Variants in PNKD observed in about 807,000 individuals in gnomAD.
PNKD encodes probable thioesterase PNKD.
Under a neutral mutation model 45.3 loss-of-function variants are expected in PNKD, and 36 were observed. That is an observed-to-expected ratio of 0.80 (90% CI 0.61 to 1.05). The LOEUF (loss-of-function observed/expected upper bound fraction) is 1.05, where lower values mean the gene tolerates loss of function less well. PNKD is among the 50% of genes least tolerant of loss of function. The pLI is 0.00. For missense variants in PNKD, 511 were observed against 506.6 expected (o/e 1.01, Z -0.08); for synonymous variants, 197 against 210.1 (o/e 0.94, Z 0.54).
chr2:218,295,908 C>T (rs559416487), intron 2 of PNKD, among the ~76,000 whole-genome samples: 2 of 148,966 alleles, frequency 1.3e-5, no homozygotes, highest in Non-Finnish European at 3.0e-5. Flanking sequence ...TACAGTAGTG[C>T]GATCTTGGCT....
At chr2:218,275,571 G>C (rs766610505) in intron 2 of PNKD, 1 of 1,614,080 alleles carries the variant, frequency 6.2e-7, no homozygotes, top group South Asian at 1.1e-5. Context: ...CCTCGGGGCT[G>C]ATGGTGTGCT....
chr2:218,340,683 T>G lies in PNKD; in HGVS notation c.466-45T>G. 3 of 1,475,642 alleles carry G rather than the reference T, an allele frequency of 2.0e-6. No individual in the cohort carries two copies. Among genetic ancestry groups the G allele is most frequent in the African/African-American group, 1.4e-5 (1 of 72,060 alleles). 91.4% of individuals were successfully genotyped at this position (1,475,642 alleles called of 1,614,324 possible). The stretch of plus-strand genomic sequence containing the variant: ...CCTGGCTCTTGCTGCTTCAAGTGCC[T>G]CTTGCATCCTGCTCCCCAGTCTCCA... On this transcript the variant is annotated intron_variant, in intron 4 of 9. Transcript: ENST00000273077. This position sits in a 1 kb window ranked among gnomAD's most constrained non-coding sequence, Gnocchi z 4.2.
chr2:218,296,896 T>G (rs1693151970), intron 2 of PNKD, among the ~76,000 whole-genome samples: 1 of 152,204 alleles, frequency 6.6e-6, no homozygotes. Flanking sequence ...CAGGCTGGTC[T>G]TGAACTCCTG....
At chr2:218,343,455 G>A in intron 7 of PNKD, 45 bp from the exon 8 acceptor site, 1 of 1,446,882 alleles carries the variant, frequency 6.9e-7, no homozygotes, top group Admixed American at 1.7e-5. Flanking sequence ...ATGCCATATT[G>A]TGTTATCCTG....
intron 2 of PNKD, chr2:218,277,175 G>A (rs1691305114): frequency 7.5e-7 from 1 of 1,340,404 alleles, no homozygotes; most frequent in Non-Finnish European, 1.1e-6. Context: ...CTGCCAGGGA[G>A]TCCCAGTGCT....
chr2:218,270,634 T>A, intron 1 of PNKD, 32 bp downstream of exon 1: 1 of 649,922 alleles, frequency 1.5e-6, no homozygotes, highest in Non-Finnish European at 2.3e-6. Context: ...AGGGCAGGAC[T>A]GCAGAAGATC....
At chr2:218,276,043 C>T in intron 2 of PNKD, 1 of 1,612,790 alleles carries the variant, frequency 6.2e-7, no homozygotes. Context: ...AAACAAATGG[C>T]CCCCAGAGCA....
intron 2 of PNKD, chr2:218,277,728 T>C: frequency 1.2e-6 from 2 of 1,608,518 alleles, no homozygotes; most frequent in Non-Finnish European, 1.7e-6. Context: ...GGCAGGGTGC[T>C]GGGGGAGTGG....
At chr2:218,298,532 A>C (rs1693199677) in intron 2 of PNKD, among the ~76,000 whole-genome samples, 1 of 152,240 alleles carries the variant, frequency 6.6e-6, no homozygotes, top group Non-Finnish European at 1.5e-5. Flanking sequence ...AGAATGAAAA[A>C]TAGCAGTTGT....
At position 218,277,159 on chromosome 2, in the gene PNKD, C is replaced by T. The variant is rs141094258; in HGVS notation, c.236+5610C>T. 6.2e-5 allele frequency: 92 copies of T among 1,484,884 alleles called. No individual in the cohort carries two copies. In the East Asian group the frequency reaches 2.0e-3, roughly 32 times the overall value. The allele number at this position is 1,484,884 out of a possible 1,614,324, so 92.0% of individuals were successfully genotyped here. The stretch of plus-strand genomic sequence containing the variant: ...GGCTGTGACAACCAGCCCAGTCAGA[C>T]TGGCCCTGCCAGGGAGTCCCAGTGC... On this transcript the variant is annotated intron_variant, in intron 2 of 9. Coordinates refer to ENST00000273077, the MANE Select transcript of PNKD (RefSeq NM_015488.5).
At chr2:218,288,770 A>C (rs1692722807) in intron 2 of PNKD, among the ~76,000 whole-genome samples, 1 of 152,192 alleles carries the variant, frequency 6.6e-6, no homozygotes, top group Admixed American at 6.5e-5. Context: ...GTAGGAGAGT[A>C]AAGTGTTTTC....
At chr2:218,278,709 C>A in intron 2 of PNKD, 1 of 905,092 alleles carries the variant, frequency 1.1e-6, no homozygotes, top group Admixed American at 2.1e-5. Context: ...CGAGATTACC[C>A]CCAGCCAGGG....
intron 2 of PNKD, among the ~76,000 whole-genome samples, chr2:218,276,752 C>A (rs1435382479): frequency 1.3e-5 from 2 of 152,208 alleles, no homozygotes; most frequent in Non-Finnish European, 2.9e-5. Flanking sequence ...GAACCCACCC[C>A]TTCCCCTAGG....
rs1336813026 is a variant in PNKD, at chr2:218,317,944, C to T, written c.237-21839C>T. On this transcript the variant is annotated intron_variant, in intron 2 of 9. Coordinates refer to ENST00000273077, the MANE Select transcript of PNKD (RefSeq NM_015488.5). ...CTGACAAGATGTCTCTTTTCTCTAA[C>T]ATTTAAACAGCTCCAACCATCTCAG... 2.0e-5 allele frequency: 3 copies of T among 152,384 alleles called. No homozygotes were observed. The East Asian group carries it at 5.8e-4, about 29-fold the overall frequency. 9.4% of individuals were successfully genotyped at this position (152,384 alleles called of 1,614,324 possible). A position where few individuals can be genotyped will look rare whatever the true frequency, so the allele number is the denominator to read the frequency against.
intron 2 of PNKD, among the ~76,000 whole-genome samples, chr2:218,327,344 T>C (rs1574705426): frequency 6.6e-6 from 1 of 152,148 alleles, no homozygotes; most frequent in African/African-American, 2.4e-5. Context: ...GGCAGAAGCC[T>C]GATGGAAGGG....
intron 2 of PNKD, chr2:218,275,452 G>C (rs369057432): frequency 1.2e-6 from 2 of 1,605,306 alleles, no homozygotes; most frequent in South Asian, 2.2e-5. Context: ...GCCCAGGATC[G>C]GGTGAAAATG....
intron 2 of PNKD, among the ~76,000 whole-genome samples, chr2:218,291,218 T>C (rs1320602988): frequency 6.6e-6 from 1 of 152,168 alleles, no homozygotes; most frequent in Admixed American, 6.5e-5. Flanking sequence ...CTTGAGGTCA[T>C]AGCACAGAAA....
At position 218,273,456 on chromosome 2, in the gene PNKD, T is replaced by C. The variant is rs545544154; in HGVS notation, c.236+1907T>C. Among the ~76,000 whole-genome samples the C allele has an allele frequency of 2.0e-5, 3 of 148,334 alleles. No homozygotes were observed. In the East Asian group the frequency reaches 6.0e-4, roughly 30 times the overall value. On this transcript the variant is annotated intron_variant, in intron 2 of 9. Transcript: ENST00000273077. ...CCAGTTACTTTTTGTGTTTTTTTTT[T>C]TTTTTTGGATTTTTTTTTACTTATT...
At chr2:218,295,505 G>C (rs977999467) in intron 2 of PNKD, among the ~76,000 whole-genome samples, 2 of 152,174 alleles carry the variant, frequency 1.3e-5, no homozygotes, top group African/African-American at 4.8e-5. Flanking sequence ...GGTGACACCT[G>C]AGTAGAGTGT....
Sources: gnomAD v4.1 joint callset for allele counts (sites outside exome capture counted in the v4.1 genomes callset) on GRCh38, gnomAD v4.1.1 for gene constraint, Gnocchi (gnomAD v3.1) non-coding constraint, MANE v1.5 for transcripts, NCBI Gene and HGNC (gene_info 2026-07-23, HGNC 2026-07-21) for gene names.